Variants in CADM2 observed in about 807,000 individuals in gnomAD.
The protein encoded by CADM2 is cell adhesion molecule 2.
In CADM2, 12 loss-of-function variants were observed where a neutral mutation model predicts 49.8. The ratio of observed to expected loss-of-function variants is 0.24; its 90% confidence interval spans 0.15 to 0.39. The LOEUF (loss-of-function observed/expected upper bound fraction) is 0.39. Ranked by LOEUF, CADM2 falls within the 10% of genes least tolerant of loss-of-function variation. The pLI is 1.00. For missense variants in CADM2, 378 were observed against 492.3 expected (o/e 0.77, Z 2.20); for synonymous variants, 214 against 175.4 (o/e 1.22, Z -1.74).
chr3:86,013,036 C>T, intron 8 of CADM2: 2 of 1,079,236 alleles, frequency 1.9e-6, no homozygotes, highest in South Asian at 2.5e-5. Context: ...AAACATGAGA[C>T]CTCTATGATC....
chr3:85,483,881 G>T (rs114626826), intron 1 of CADM2, among the ~76,000 whole-genome samples: 3 of 151,154 alleles, frequency 2.0e-5, no homozygotes, highest in Non-Finnish European at 3.0e-5. Context: ...TTATTTTCTG[G>T]CAATTTTTGT....
intron 1 of CADM2, among the ~76,000 whole-genome samples, chr3:85,093,605 T>A (rs1178205684): frequency 1.3e-5 from 2 of 152,148 alleles, no homozygotes; most frequent in African/African-American, 2.4e-5. Flanking sequence ...TAAGGGAAAA[T>A]CAAATAATCA....
Position 85,631,802 on chromosome 3 carries a change from A to G in CADM2, c.62-94720A>G, listed in dbSNP as rs534768301. On this transcript the variant is annotated intron_variant, in intron 1 of 9. Transcript: ENST00000383699. ...ACAAAATGAGGCTTTGGAACAATCA[A>G]TATTTACCAAGTATATACTTTTGCC... Among the ~76,000 whole-genome samples, 61 of 152,250 alleles carry G rather than the reference A, an allele frequency of 4.0e-4. No individual in the cohort carries two copies. The South Asian group carries it at 8.5e-3, about 21-fold the overall frequency.
chr3:85,128,847 T>G (rs888078408), intron 1 of CADM2, among the ~76,000 whole-genome samples: 1 of 152,194 alleles, frequency 6.6e-6, no homozygotes, highest in African/African-American at 2.4e-5. Flanking sequence ...TTTAAACACT[T>G]TATTTACTGT....
At chr3:85,217,596 A>T (rs1395577860) in intron 1 of CADM2, among the ~76,000 whole-genome samples, 1 of 152,064 alleles carries the variant, frequency 6.6e-6, no homozygotes, top group African/African-American at 2.4e-5. Flanking sequence ...CTCTCTGCAT[A>T]AAAATATTAT....
At chr3:85,871,502 C>T (rs1233933274) in intron 3 of CADM2, among the ~76,000 whole-genome samples, 1 of 152,084 alleles carries the variant, frequency 6.6e-6, no homozygotes, top group African/African-American at 2.4e-5. Context: ...CTCATCTGTG[C>T]TCAGATATAT....
At chr3:85,337,840 T>A (rs2045131104) in intron 1 of CADM2, among the ~76,000 whole-genome samples, 1 of 151,634 alleles carries the variant, frequency 6.6e-6, no homozygotes, top group South Asian at 2.1e-4. Flanking sequence ...AAGATTTCTT[T>A]GTCTTATAGG....
intron 1 of CADM2, among the ~76,000 whole-genome samples, chr3:85,315,051 G>T (rs889480255): frequency 6.6e-6 from 1 of 152,128 alleles, no homozygotes; most frequent in African/African-American, 2.4e-5. Context: ...TTTTAGGAGA[G>T]GATCTTTACT....
intron 2 of CADM2, among the ~76,000 whole-genome samples, chr3:85,745,725 C>T (rs141213393): frequency 1.3e-5 from 2 of 152,170 alleles, no homozygotes; most frequent in East Asian, 1.9e-4. Context: ...ATTATTCAGG[C>T]ATAGTGGTGC....
Position 85,140,176 on chromosome 3 carries a change from C to G in CADM2, c.61+180508C>G, listed in dbSNP as rs549813717. The stretch of plus-strand genomic sequence containing the variant: ...ATATTTTCAAAAGCCTCCCACTCTA[C>G]CGGGTTCTCTTGGATCACGTACAGT... On this transcript the variant is annotated intron_variant, in intron 1 of 9. Coordinates refer to ENST00000383699, the MANE Select transcript of CADM2 (RefSeq NM_001167675.2). Among the ~76,000 whole-genome samples the G allele has an allele frequency of 2.6e-5, 4 of 152,282 alleles. No homozygotes were observed. In the East Asian group the frequency reaches 7.7e-4, roughly 29 times the overall value.
chr3:85,387,590 C>G (rs1406040302), intron 1 of CADM2, among the ~76,000 whole-genome samples: 3 of 152,050 alleles, frequency 2.0e-5, no homozygotes, highest in African/African-American at 7.2e-5. Context: ...AGGCAGTTCT[C>G]TGAAATGGAA....
In CADM2 at chr3:85,817,989, C is replaced by T. The variant is rs536264170; in HGVS notation, c.238+15793C>T. 6.6e-5 allele frequency among the ~76,000 whole-genome samples: 10 copies of T among 152,020 alleles called. No homozygotes were observed. The South Asian group carries it at 2.1e-3, about 32-fold the overall frequency. Reference sequence around the variant, plus strand: ...AATTCAAAGCAAAACAAATCATAAGCCTATCATTTAAGGTCTTAAGCAGTT... The same window carrying T: ...AATTCAAAGCAAAACAAATCATAAGTCTATCATTTAAGGTCTTAAGCAGTT... On this transcript the variant is annotated intron_variant, in intron 3 of 9. Coordinates refer to ENST00000383699, the MANE Select transcript of CADM2 (RefSeq NM_001167675.2).
At chr3:85,650,797 A>G (rs569950110) in intron 1 of CADM2, among the ~76,000 whole-genome samples, 3 of 151,440 alleles carry the variant, frequency 2.0e-5, no homozygotes, top group Non-Finnish European at 2.9e-5. Flanking sequence ...GACTTAATGA[A>G]TATGTATTTT....
chr3:85,894,016 T>A (rs1231409816), intron 5 of CADM2, among the ~76,000 whole-genome samples: 1 of 152,220 alleles, frequency 6.6e-6, no homozygotes, highest in Non-Finnish European at 1.5e-5. Flanking sequence ...CAAAGGATTA[T>A]AAATCATGCT....
intron 1 of CADM2, among the ~76,000 whole-genome samples, chr3:85,574,489 C>G (rs2062574025): frequency 6.6e-6 from 1 of 152,118 alleles, no homozygotes; most frequent in South Asian, 2.1e-4. Flanking sequence ...GATACATAGG[C>G]CCAAGAATGT....
chr3:85,690,989 C>G (rs2066367645), intron 1 of CADM2, among the ~76,000 whole-genome samples: 1 of 152,154 alleles, frequency 6.6e-6, no homozygotes, highest in African/African-American at 2.4e-5. Flanking sequence ...CATAGTCACT[C>G]TACTGTGCAA....
chr3:85,828,220 T>C (rs2074014231), intron 3 of CADM2, among the ~76,000 whole-genome samples: 1 of 152,016 alleles, frequency 6.6e-6, no homozygotes, highest in African/African-American at 2.4e-5. Flanking sequence ...AGAAACTGTT[T>C]GAACTTTCAT....
At chr3:85,859,287 G>A (rs1372994394) in intron 3 of CADM2, among the ~76,000 whole-genome samples, 1 of 127,370 alleles carries the variant, frequency 7.9e-6, no homozygotes, top group South Asian at 2.5e-4. Context: ...CTGGAGTGCA[G>A]TGGTGCGATC....
intron 2 of CADM2, among the ~76,000 whole-genome samples, chr3:85,791,113 A>C (rs1245991234): frequency 1.3e-5 from 2 of 152,224 alleles, no homozygotes. Flanking sequence ...AAGTATTTGA[A>C]AGAACAGAGG....
Sources: allele counts gnomAD v4.1 joint callset (sites outside exome capture counted in the v4.1 genomes callset), GRCh38; gene constraint gnomAD v4.1.1; transcripts MANE v1.5; gene names NCBI Gene and HGNC (gene_info 2026-07-23, HGNC 2026-07-21).